The following HABP4 variants were observed in gnomAD, a reference collection of about 807,000 sequenced individuals.
HABP4 encodes the protein intracellular hyaluronan-binding protein 4.
A neutral mutation model predicts 44.1 loss-of-function variants in HABP4; 32 were observed. That is an observed-to-expected ratio of 0.73 (90% CI 0.55 to 0.97). The LOEUF (loss-of-function observed/expected upper bound fraction) is 0.97, where lower values mean the gene tolerates loss of function less well. Among genes scored for constraint, HABP4 ranks in the 50% least tolerant of loss-of-function variants. The pLI, the probability that HABP4 is intolerant of heterozygous loss-of-function variation, is 0.00. For synonymous variants in HABP4, 216 were observed against 218.0 expected, an observed-to-expected ratio of 0.99 and a Z score of 0.08; for missense variants, 503 against 561.9, an observed-to-expected ratio of 0.90 and a Z score of 1.06.
chr9:96,450,791 C>T lies in HABP4; in HGVS notation c.349+163C>T, dbSNP rs1303971878. Among the ~76,000 whole-genome samples the T allele has an allele frequency of 2.0e-5, 3 of 152,152 alleles. No homozygotes were observed. The highest frequency in any genetic ancestry group is 6.5e-5 in the Admixed American group (1 of 15,284). Reference sequence around the variant, plus strand: ...AGAGGGGCAGGGGTCACACCCCTTCCAGCTCTCGCCAGCCTCGTGCGGGGC... The same window carrying T: ...AGAGGGGCAGGGGTCACACCCCTTCTAGCTCTCGCCAGCCTCGTGCGGGGC... On this transcript the variant is annotated intron_variant, in intron 1 of 7. Transcript: ENST00000375249. This position sits in a 1 kb window ranked among gnomAD's most constrained non-coding sequence, Gnocchi z 4.8.
In HABP4 at chr9:96,465,443, G is replaced by T; in HGVS notation, c.619G>T (p.Ala207Ser). The change falls in exon 3 of 8, where the codon GCT becomes TCT. Residue 207 changes from alanine (A) to serine (S), a missense_variant. Transcript: ENST00000375249. ...TGGCCCTGGGAACAGAGTTTTTGACGCTTTTGACCAGAGAGGAAAGCGAGA... is the reference window on the plus strand; with the variant it reads ...TGGCCCTGGGAACAGAGTTTTTGACTCTTTTGACCAGAGAGGAAAGCGAGA... Reference protein sequence around the residue: ...RGGPGNRVFDAFDQRGKREFE... With the variant: ...RGGPGNRVFDSFDQRGKREFE... The T allele has an allele frequency of 6.2e-7, 1 of 1,612,540 alleles. No homozygotes were observed. The highest frequency in any genetic ancestry group is 8.5e-7 in the Non-Finnish European group (1 of 1,178,506).
intron 5 of HABP4, among the ~76,000 whole-genome samples, chr9:96,476,026 A>G (rs951813740): frequency 1.3e-5 from 2 of 152,224 alleles, no homozygotes; most frequent in Non-Finnish European, 2.9e-5. Flanking sequence ...ATGAATGGAA[A>G]TGTGGACATT....
chr9:96,458,139 T>C (rs1832431684), intron 1 of HABP4, among the ~76,000 whole-genome samples: 1 of 152,196 alleles, frequency 6.6e-6, no homozygotes, highest in Non-Finnish European at 1.5e-5. Flanking sequence ...GTGAGCTTAG[T>C]TGGTCATATA....
chr9:96,455,543 C>T (rs1160391468), intron 1 of HABP4, among the ~76,000 whole-genome samples: 1 of 151,142 alleles, frequency 6.6e-6, no homozygotes. Context: ...GCGGGTGGAT[C>T]ACCTGAGGTC....
chr9:96,458,629 T>TC, intron 2 of HABP4, 88 bp downstream of exon 2: 1 of 718,238 alleles, frequency 1.4e-6, no homozygotes, highest in Non-Finnish European at 2.1e-6. Flanking sequence ...TTTCTTTCTT[T>TC]TTTTTTTTTT....
Position 96,491,285 on chromosome 9 carries a change from G to GT in HABP4, c.*1248dup, listed in dbSNP as rs983153119. The GT allele has an allele frequency of 6.6e-6, 1 of 152,238 alleles. No individual in the cohort carries two copies. Among genetic ancestry groups the GT allele is most frequent in the African/African-American group, 2.4e-5 (1 of 41,442 alleles). 9.4% of individuals were successfully genotyped at this position (152,238 alleles called of 1,614,324 possible). ...TTCCCACTTTGCCACACTGTCTAAG[G>GT]TGGCTTTGAACTGGAACCCAAGTGC... On this transcript the variant is annotated 3_prime_UTR_variant, in exon 8 of 8. Transcript: ENST00000375249.
intron 4 of HABP4, among the ~76,000 whole-genome samples, chr9:96,467,715 G>T (rs1315153520): frequency 6.6e-6 from 1 of 151,628 alleles, no homozygotes; most frequent in Non-Finnish European, 1.5e-5. Context: ...TAGTAGAGAT[G>T]GTGTTTCACC....
At chr9:96,458,622 CTTTCTTT>C in intron 2 of HABP4, 81 bp downstream of exon 2, 1 of 811,288 alleles carries the variant, frequency 1.2e-6, no homozygotes, top group Non-Finnish European at 1.9e-6. Flanking sequence ...TCTTTTCTTT[CTTTCTTT>C]TTTTTTTTTT....
chr9:96,485,186 G>C (rs1159052756), intron 6 of HABP4, among the ~76,000 whole-genome samples: 1 of 152,162 alleles, frequency 6.6e-6, no homozygotes, highest in Non-Finnish European at 1.5e-5. Context: ...CCAAGTAGCT[G>C]GGATTACAGG....
At position 96,471,070 on chromosome 9, in the gene HABP4, C is replaced by T. The variant is rs776552772; in HGVS notation, c.803C>T (p.Thr268Ile). The change falls in exon 5 of 8, where the codon ACC (threonine) becomes ATC (isoleucine). Residue 268 changes from threonine to isoleucine, a missense_variant. Around this residue, in one of 3 missense-constraint regions of HABP4, gnomAD observed 131 missense variants for 189.8 expected, o/e 0.69. Coordinates refer to ENST00000375249, the MANE Select transcript of HABP4 (RefSeq NM_014282.4). The part of the protein sequence containing the change: ...EPTVVEESQG[T>I]PEEESPAKVP... ...ACAGTGGTGGAGGAGTCCCAGGGCA[C>T]CCCGGAAGAGGAGTCTCCAGCCAAG... 1.3e-6 allele frequency: 2 copies of T among 1,595,704 alleles called. No individual in the cohort carries two copies. The highest frequency in any genetic ancestry group is 1.7e-6 in the Non-Finnish European group (2 of 1,163,308).
Position 96,458,486 on chromosome 9 carries a change from C to A in HABP4, c.457C>A (p.Pro153Thr), listed in dbSNP as rs1400667394. 1 of 1,613,112 alleles carries A rather than the reference C, an allele frequency of 6.2e-7. No individual in the cohort carries two copies. Among genetic ancestry groups the A allele is most frequent in the Non-Finnish European group, 8.5e-7 (1 of 1,179,072 alleles). Residue 153 changes from proline to threonine, a missense_variant, in exon 2 of 8, where the codon CCC becomes ACC. This residue lies in a region of HABP4 where 290 missense variants were observed against 300.5 expected (regional missense o/e 0.97). Coordinates refer to ENST00000375249, the MANE Select transcript of HABP4 (RefSeq NM_014282.4). Reference sequence around the variant, plus strand: ...GCGGAGATCCTACAGGGAATACCGACCCTATGAGACAGAGAGGCAGGCAGA... The same window carrying A: ...GCGGAGATCCTACAGGGAATACCGAACCTATGAGACAGAGAGGCAGGCAGA... Reference protein sequence around the residue: ...AERRSYREYRPYETERQADFT... With the variant: ...AERRSYREYRTYETERQADFT...
chr9:96,463,180 A>T (rs2131127354), intron 2 of HABP4, among the ~76,000 whole-genome samples: 1 of 152,242 alleles, frequency 6.6e-6, no homozygotes, highest in South Asian at 2.1e-4. Context: ...TCCTGGGCCC[A>T]AGCGATCCAA....
In HABP4 at chr9:96,475,302, G is replaced by A. The variant is rs141429575; in HGVS notation, c.827+4208G>A. On this transcript the variant is annotated intron_variant, in intron 5 of 7. Coordinates refer to ENST00000375249, the MANE Select transcript of HABP4 (RefSeq NM_014282.4). ...GAGGCAGGAGAATGGTGTGAACCCA[G>A]GAGGTGGAGCTTGCAGTGAGCCGAG... 2.3e-3 allele frequency among the ~76,000 whole-genome samples: 344 copies of A among 151,838 alleles called. 9 individuals are homozygous for A. The East Asian group carries it at 0.048, about 21-fold the overall frequency.
chr9:96,476,801 C>T (rs968786191), intron 5 of HABP4, among the ~76,000 whole-genome samples: 18 of 152,290 alleles, frequency 1.2e-4, no homozygotes, highest in Admixed American at 9.8e-4. Context: ...GTTAAGGAGC[C>T]TGTCCTTGGT....
intron 5 of HABP4, chr9:96,484,258 A>C (rs1832931599): frequency 2.1e-6 from 1 of 484,682 alleles, no homozygotes; most frequent in Non-Finnish European, 3.6e-6. Flanking sequence ...CACAGATAGG[A>C]AGTATCTTCT....
intron 2 of HABP4, among the ~76,000 whole-genome samples, chr9:96,463,065 T>C (rs1438025394): frequency 6.7e-6 from 1 of 150,292 alleles, no homozygotes; most frequent in East Asian, 2.0e-4. Context: ...CACTTCAGCC[T>C]CCTGAGTAGC....
At chr9:96,462,485 C>T (rs1275626652) in intron 2 of HABP4, among the ~76,000 whole-genome samples, 3 of 151,606 alleles carry the variant, frequency 2.0e-5, no homozygotes, top group Admixed American at 6.6e-5. Context: ...TGGTGGTGCA[C>T]AGCTGTGATC....
At chr9:96,460,046 T>G (rs1222297305) in intron 2 of HABP4, among the ~76,000 whole-genome samples, 3 of 152,248 alleles carry the variant, frequency 2.0e-5, no homozygotes, top group Non-Finnish European at 4.4e-5. Context: ...TTAGGGATTC[T>G]GTGGAAATGA....
intron 4 of HABP4, among the ~76,000 whole-genome samples, chr9:96,466,855 G>T (rs936579978): frequency 1.3e-5 from 2 of 152,080 alleles, no homozygotes; most frequent in Admixed American, 1.3e-4. Context: ...TACAGGGCAG[G>T]CTTCCCGCTA....
Sources: allele counts gnomAD v4.1 joint callset (sites outside exome capture counted in the v4.1 genomes callset), GRCh38; gene constraint gnomAD v4.1.1; regional missense constraint gnomAD v4.1.1; non-coding constraint Gnocchi (gnomAD v3.1); transcripts MANE v1.5; gene names NCBI Gene and HGNC (gene_info 2026-07-23, HGNC 2026-07-21).